ARHGEF10L: variants seen among roughly 807,000 people sequenced by gnomAD.
The protein encoded by ARHGEF10L is Rho guanine nucleotide exchange factor 10 like.
ARHGEF10L carries 69 observed loss-of-function variants against 141.2 expected under a neutral mutation model. The ratio of observed to expected loss-of-function variants is 0.49; its 90% confidence interval spans 0.40 to 0.60. The LOEUF (loss-of-function observed/expected upper bound fraction) is 0.60, where lower values mean the gene tolerates loss of function less well. Among genes scored for constraint, ARHGEF10L ranks in the 20% least tolerant of loss-of-function variants. The pLI is 0.00. For synonymous variants in ARHGEF10L, 711 were observed against 718.5 expected (o/e 0.99, Z 0.17); for missense variants, 1,482 against 1,734.3 (o/e 0.85, Z 2.58).
chr1:17,521,547 T>C, the ARHGEF10L span, among the ~76,000 whole-genome samples: 6 of 152,252 alleles, frequency 3.9e-5, no homozygotes, highest in Non-Finnish European at 5.9e-5. Flanking sequence ...ACTGGGCACT[T>C]ACTTCATGGC....
upstream of ARHGEF10L, among the ~76,000 whole-genome samples, chr1:17,539,520 G>C (rs1292902249): frequency 6.6e-6 from 1 of 151,936 alleles, no homozygotes; most frequent in African/African-American, 2.4e-5. The surrounding 1 kb of genome is among the most constrained non-coding windows in gnomAD (Gnocchi z 6.0). Flanking sequence ...CCTGTACTGT[G>C]GGGGGCCGGT....
chr1:17,618,063 T>C (rs1235339786), intron 9 of ARHGEF10L, among the ~76,000 whole-genome samples: 1 of 152,158 alleles, frequency 6.6e-6, no homozygotes, highest in African/African-American at 2.4e-5. Context: ...ACAGGCTGGG[T>C]GCTCAGTGAA....
intron 1 of ARHGEF10L, among the ~76,000 whole-genome samples, chr1:17,556,432 G>A (rs1199972810): frequency 6.6e-6 from 1 of 152,184 alleles, no homozygotes; most frequent in Admixed American, 6.5e-5. Context: ...GAAGGCCTGG[G>A]CTTAGTGATT....
intron 26 of ARHGEF10L, among the ~76,000 whole-genome samples, chr1:17,677,522 T>C (rs1405541015): frequency 6.6e-6 from 1 of 152,218 alleles, no homozygotes; most frequent in Non-Finnish European, 1.5e-5. Context: ...TTAGTCCCTG[T>C]GCTTGGCACT....
chr1:17,514,948 G>A, the ARHGEF10L span, among the ~76,000 whole-genome samples: 2 of 152,112 alleles, frequency 1.3e-5, no homozygotes, highest in Non-Finnish European at 2.9e-5. Flanking sequence ...TTGTCCTTCC[G>A]GCCCCTTGAG....
At chr1:17,519,327 C>T in the ARHGEF10L span, among the ~76,000 whole-genome samples, 1 of 151,054 alleles carries the variant, frequency 6.6e-6, no homozygotes, top group South Asian at 2.1e-4. Flanking sequence ...AAGGAGGAAA[C>T]TGGATGGGCA....
chr1:17,614,046 G>A (rs550266770), intron 8 of ARHGEF10L, among the ~76,000 whole-genome samples: 1 of 152,380 alleles, frequency 6.6e-6, no homozygotes, highest in South Asian at 2.1e-4. Flanking sequence ...ACTCTGGGCA[G>A]TAGCTGCCTT....
At chr1:17,629,191 A>ATTTTT (rs78642950) in intron 15 of ARHGEF10L, among the ~76,000 whole-genome samples, 1 of 141,228 alleles carries the variant, frequency 7.1e-6, no homozygotes, top group African/African-American at 2.6e-5. Flanking sequence ...CAGCTAATTA[A>ATTTTT]TTTTTTTTTT....
At chr1:17,547,736 G>T (rs1261162185) in intron 1 of ARHGEF10L, among the ~76,000 whole-genome samples, 1 of 152,034 alleles carries the variant, frequency 6.6e-6, no homozygotes. Context: ...TACATGTATC[G>T]CATGACCACT....
intron 11 of ARHGEF10L, among the ~76,000 whole-genome samples, chr1:17,622,472 G>A (rs938926934): frequency 2.0e-5 from 3 of 152,056 alleles, no homozygotes; most frequent in African/African-American, 4.8e-5. Flanking sequence ...TGACTTTTCC[G>A]GGCGGTTGTG....
At chr1:17,666,727 C>T (rs537781836) in intron 26 of ARHGEF10L, among the ~76,000 whole-genome samples, 2 of 151,720 alleles carry the variant, frequency 1.3e-5, no homozygotes, top group African/African-American at 4.8e-5. Flanking sequence ...CCTGCTATCC[C>T]CCCAGCCCAC....
chr1:17,566,924 G>A (rs1164864428), intron 1 of ARHGEF10L, among the ~76,000 whole-genome samples: 1 of 152,164 alleles, frequency 6.6e-6, no homozygotes, highest in Non-Finnish European at 1.5e-5. Context: ...TCACCCTCTC[G>A]AATGCCGTTG....
At chr1:17,631,744 G>A (rs1035395813) in intron 15 of ARHGEF10L, among the ~76,000 whole-genome samples, 1 of 152,216 alleles carries the variant, frequency 6.6e-6, no homozygotes, top group African/African-American at 2.4e-5. Flanking sequence ...TTCTGCCATG[G>A]TCATCTTGAA....
At chr1:17,550,938 A>G (rs1322900605) in intron 1 of ARHGEF10L, among the ~76,000 whole-genome samples, 1 of 151,966 alleles carries the variant, frequency 6.6e-6, no homozygotes, top group Non-Finnish European at 1.5e-5. Context: ...CCTGGGGAGG[A>G]TCGGCCCCTG....
rs962429670 is a variant in ARHGEF10L at position 17,680,345 on chromosome 1, G to A, written c.3010-7228G>A. Among the ~76,000 whole-genome samples, 6 of 152,242 alleles carry A rather than the reference G, an allele frequency of 3.9e-5. No individual in the cohort carries two copies. The South Asian group carries it at 8.3e-4, about 21-fold the overall frequency. On this transcript the variant is annotated intron_variant, in intron 26 of 28. Coordinates refer to ENST00000361221, the MANE Select transcript of ARHGEF10L (RefSeq NM_018125.4). The stretch of plus-strand genomic sequence containing the variant: ...GACATCTCAGCTCTAATGACTTTGA[G>A]TGCTGAGCTGCTCACCCTGGGAATT...
chr1:17,682,018 C>CA (rs1311443952), intron 26 of ARHGEF10L, among the ~76,000 whole-genome samples: 1 of 151,938 alleles, frequency 6.6e-6, no homozygotes, highest in Non-Finnish European at 1.5e-5. Context: ...GTGCTCTAAT[C>CA]AGGACCATCA....
chr1:17,589,871 A>G (rs1254446800), intron 4 of ARHGEF10L, among the ~76,000 whole-genome samples: 1 of 152,072 alleles, frequency 6.6e-6, no homozygotes, highest in Non-Finnish European at 1.5e-5. Flanking sequence ...GAGCTGGGAC[A>G]CTGACTGGAG....
the ARHGEF10L span, among the ~76,000 whole-genome samples, chr1:17,523,511 A>G: frequency 1.5e-4 from 23 of 152,346 alleles, no homozygotes; most frequent in East Asian, 4.4e-3. Flanking sequence ...AGGAAGCTGA[A>G]GTCCAGAAAG....
chr1:17,613,175 G>A lies in ARHGEF10L; in HGVS notation c.726+1G>A. The A allele has an allele frequency of 1.2e-6, 2 of 1,611,258 alleles. No individual in the cohort carries two copies. The highest frequency in any genetic ancestry group is 1.7e-6 in the Non-Finnish European group (2 of 1,177,770). ...GCTGAAGCACAAGTACGATTGTAAGGTATTGTCTGTCTGTCCCCTCAAGCC... is the reference window on the plus strand; with the variant it reads ...GCTGAAGCACAAGTACGATTGTAAGATATTGTCTGTCTGTCCCCTCAAGCC... On this transcript the variant is annotated splice_donor_variant, in intron 8 of 28. Coordinates refer to ENST00000361221, the MANE Select transcript of ARHGEF10L (RefSeq NM_018125.4). LOFTEE classifies it high-confidence loss of function.
Sources: allele counts gnomAD v4.1 joint callset (sites outside exome capture counted in the v4.1 genomes callset), GRCh38; gene constraint gnomAD v4.1.1; non-coding constraint Gnocchi (gnomAD v3.1); transcripts MANE v1.5; gene names NCBI Gene and HGNC (gene_info 2026-07-23, HGNC 2026-07-21).